CCDC175: variants seen among roughly 807,000 people sequenced by gnomAD.
The protein encoded by CCDC175 is coiled-coil domain-containing protein 175.
Under a neutral mutation model 114.6 loss-of-function variants are expected in CCDC175, and 100 were observed. The observed-to-expected ratio is 0.87, with a 90% CI of 0.74 to 1.03. CCDC175 has a LOEUF of 1.03. Among genes scored for constraint, CCDC175 ranks in the 50% least tolerant of loss-of-function variants. The pLI is 0.00. For synonymous variants in CCDC175, 306 were observed against 308.7 expected (o/e 0.99, Z 0.09); for missense variants, 880 against 917.8 (o/e 0.96, Z 0.53).
intron 7 of CCDC175, among the ~76,000 whole-genome samples, chr14:59,552,641 G>A (rs1374757504): frequency 6.6e-6 from 1 of 152,182 alleles, no homozygotes; most frequent in African/African-American, 2.4e-5. Flanking sequence ...GTTGAGAGAA[G>A]AAGGCCACAG....
At chr14:59,533,539 TG>T (rs1894194777) in intron 13 of CCDC175, among the ~76,000 whole-genome samples, 2 of 152,362 alleles carry the variant, frequency 1.3e-5, no homozygotes, top group South Asian at 4.1e-4. Context: ...ACCGATATGC[TG>T]GCTGATATGT....
intron 13 of CCDC175, among the ~76,000 whole-genome samples, chr14:59,535,264 C>T (rs1030893554): frequency 3.9e-5 from 6 of 152,122 alleles, no homozygotes; most frequent in East Asian, 3.9e-4. Flanking sequence ...CCTGGCAAGC[C>T]GAGTGCAGGC....
chr14:59,570,688 G>C (rs982346737), intron 3 of CCDC175, among the ~76,000 whole-genome samples: 1 of 152,108 alleles, frequency 6.6e-6, no homozygotes, highest in Non-Finnish European at 1.5e-5. Flanking sequence ...ATGAATGCGG[G>C]TGGCAGGCAC....
intron 19 of CCDC175, among the ~76,000 whole-genome samples, chr14:59,508,935 A>T (rs2078922242): frequency 6.6e-6 from 1 of 152,136 alleles, no homozygotes; most frequent in Non-Finnish European, 1.5e-5. Context: ...GCCCGAACGA[A>T]CTAAGACAGT....
chr14:59,553,372 T>A (rs1222745317), intron 7 of CCDC175, among the ~76,000 whole-genome samples: 1 of 152,274 alleles, frequency 6.6e-6, no homozygotes, highest in South Asian at 2.1e-4. Context: ...CTAAGCTTCA[T>A]AAGTGAAGGA....
intron 8 of CCDC175, among the ~76,000 whole-genome samples, chr14:59,545,802 G>A (rs1285309190): frequency 2.0e-5 from 3 of 152,108 alleles, no homozygotes; most frequent in African/African-American, 7.2e-5. Context: ...CAAGTTTAGC[G>A]GAAACAATGG....
chr14:59,530,447 G>C (rs1427042752), intron 14 of CCDC175, among the ~76,000 whole-genome samples: 1 of 148,390 alleles, frequency 6.7e-6, no homozygotes, highest in Non-Finnish European at 1.5e-5. Flanking sequence ...GGAAGGGAAG[G>C]GGAGGGGAGA....
In CCDC175 at chr14:59,525,507, T is replaced by A. The variant is rs1893690060; in HGVS notation, c.1843-73A>T. 6.7e-6 allele frequency: 7 copies of A among 1,042,282 alleles called. No homozygotes were observed. In the Admixed American group the frequency reaches 2.1e-4, roughly 31 times the overall value. 64.6% of individuals were successfully genotyped at this position (1,042,282 alleles called of 1,614,324 possible). ...GCACGAGGGTATTATACTGCCTAGG[T>A]CACATTTGGAGCCAGATTCTAAATT... On this transcript the variant is annotated intron_variant, in intron 15 of 19. Transcript: ENST00000537690.
At chr14:59,554,045 A>C (rs1421439047) in intron 7 of CCDC175, among the ~76,000 whole-genome samples, 1 of 152,222 alleles carries the variant, frequency 6.6e-6, no homozygotes, top group African/African-American at 2.4e-5. Flanking sequence ...TGTCAACATT[A>C]GACAGATCAA....
chr14:59,543,911 G>A (rs1894943019), intron 9 of CCDC175, among the ~76,000 whole-genome samples: 1 of 152,192 alleles, frequency 6.6e-6, no homozygotes, highest in Admixed American at 6.5e-5. Context: ...CTCTGAGTGG[G>A]TGTGTCTCTC....
At chr14:59,544,212 G>A (rs1293642538) in intron 9 of CCDC175, among the ~76,000 whole-genome samples, 1 of 152,038 alleles carries the variant, frequency 6.6e-6, no homozygotes, top group African/African-American at 2.4e-5. Context: ...TGTCGCCCAG[G>A]CCAGAGTGCA....
chr14:59,573,594 A>G (rs1172967388), intron 2 of CCDC175, among the ~76,000 whole-genome samples: 2 of 146,426 alleles, frequency 1.4e-5, no homozygotes, highest in Admixed American at 1.4e-4. Flanking sequence ...AAATAAAAGG[A>G]TTGATCTGGT....
chr14:59,534,403 A>C (rs1387094840), intron 13 of CCDC175, among the ~76,000 whole-genome samples: 2 of 152,238 alleles, frequency 1.3e-5, no homozygotes, highest in African/African-American at 4.8e-5. Flanking sequence ...AGACCAATGC[A>C]GATTCCAGTC....
chr14:59,571,008 TG>T lies in CCDC175; in HGVS notation c.355+1693del, dbSNP rs1347695638. Among the ~76,000 whole-genome samples, 4 of 152,280 alleles carry T rather than the reference TG, an allele frequency of 2.6e-5. No homozygotes were observed. The East Asian group carries it at 7.7e-4, about 29-fold the overall frequency. On this transcript the variant is annotated intron_variant, in intron 3 of 19. Coordinates refer to ENST00000537690, the MANE Select transcript of CCDC175 (RefSeq NM_001164399.2). The stretch of plus-strand genomic sequence containing the variant: ...CACCTGCCTCAGCCTCCCAAAGTGC[TG>T]GGATTACAGGCGTGAGCCACCTTGC...
At chr14:59,506,356 C>G (rs1368673977) in intron 19 of CCDC175, among the ~76,000 whole-genome samples, 2 of 148,984 alleles carry the variant, frequency 1.3e-5, no homozygotes, top group African/African-American at 5.0e-5. Flanking sequence ...GATGCGATCT[C>G]GGCTCACTGC....
intron 8 of CCDC175, chr14:59,551,128 GAA>G (rs1011688249): frequency 1.1e-4 from 38 of 336,060 alleles, no homozygotes; most frequent in Middle Eastern, 8.0e-4. Context: ...ATACTCACAT[GAA>G]AAGTTACCAA....
intron 8 of CCDC175, among the ~76,000 whole-genome samples, chr14:59,550,665 C>A (rs913321790): frequency 3.9e-5 from 6 of 152,120 alleles, no homozygotes; most frequent in African/African-American, 1.4e-4. Context: ...GTCCAAGTAC[C>A]AAAGCTGAAG....
chr14:59,554,465 A>G (rs1895738449), intron 7 of CCDC175, among the ~76,000 whole-genome samples: 1 of 152,254 alleles, frequency 6.6e-6, no homozygotes, highest in African/African-American at 2.4e-5. Flanking sequence ...CATTTAAAGC[A>G]GTATGTAGAG....
In CCDC175 at chr14:59,529,004, T is replaced by G. The variant is rs375090324; in HGVS notation, c.1763-1830A>C. 9.2e-5 allele frequency among the ~76,000 whole-genome samples: 14 copies of G among 152,322 alleles called. No homozygotes were observed. The East Asian group carries it at 1.3e-3, about 15-fold the overall frequency. On this transcript the variant is annotated intron_variant, in intron 14 of 19. Transcript: ENST00000537690. ...CATCAAGTTCTCTTGTTCTGTCCAT[T>G]TCAGTTTCTCTTTCACACTGGATGC...
Sources: allele counts gnomAD v4.1 joint callset (sites outside exome capture counted in the v4.1 genomes callset), GRCh38; gene constraint gnomAD v4.1.1; transcripts MANE v1.5; gene names NCBI Gene and HGNC (gene_info 2026-07-23, HGNC 2026-07-21).